The following KDR variants were observed in gnomAD, a reference collection of about 807,000 sequenced individuals.
KDR encodes vascular endothelial growth factor receptor 2.
In KDR, 43 loss-of-function variants were observed where a neutral mutation model predicts 160.9. That is an observed-to-expected ratio of 0.27 (90% confidence interval 0.21 to 0.34). The LOEUF (loss-of-function observed/expected upper bound fraction) is 0.34, where lower values mean the gene tolerates loss of function less well. KDR is among the 10% of genes least tolerant of loss of function. The pLI is 1.00. For missense variants in KDR, 1,469 were observed against 1,666.4 expected (o/e 0.88, Z 2.06); for synonymous variants, 617 against 600.1 (o/e 1.03, Z -0.41).
At chr4:55,090,849 C>CTTTTT (rs61138010) in intron 22 of KDR, among the ~76,000 whole-genome samples, 21 of 84,104 alleles carry the variant, frequency 2.5e-4, no homozygotes, top group South Asian at 5.3e-4. Flanking sequence ...TAGAAGAAAA[C>CTTTTT]TTTTTTTTTT....
chr4:55,096,785 G>C (rs992351610), intron 18 of KDR: 1 of 264,820 alleles, frequency 3.8e-6, no homozygotes, highest in Admixed American at 5.0e-5. Flanking sequence ...AATCTGTGCC[G>C]ATCTGTGCAG....
chr4:55,097,720 A>AG lies in KDR; in HGVS notation c.2555_2556insC (p.Ala853CysfsTer5). 1 of 1,613,400 alleles carries AG rather than the reference A, an allele frequency of 6.2e-7. No homozygotes were observed. The highest frequency in any genetic ancestry group is 8.5e-7 in the Non-Finnish European group (1 of 1,179,670). ...TTGCTGTCTTGTCAATTCCAAAGGCATCTGCTTCAATCACTTGGCCAAAGG... is the reference window on the plus strand; with the variant it reads ...TTGCTGTCTTGTCAATTCCAAAGGCAGTCTGCTTCAATCACTTGGCCAAAGG... On this transcript the variant is annotated frameshift_variant, in exon 18 of 30. Coordinates refer to ENST00000263923, the MANE Select transcript of KDR (RefSeq NM_002253.4). LOFTEE classifies it high-confidence loss of function.
rs747362899 is a variant in KDR at position 55,101,969 on chromosome 4, C to T, written c.2194G>A (p.Glu732Lys). 1.4e-5 allele frequency: 23 copies of T among 1,613,722 alleles called. No individual in the cohort carries two copies. Among genetic ancestry groups the T allele is most frequent in the East Asian group, 8.9e-5 (4 of 44,864 alleles). ...CATGCCTGGCAGGTGTAGAGGCCTT[C>T]GTCCTCCTTCCTCACTCTGCGGATA... is the stretch of plus-strand genomic sequence containing the variant. The part of the protein sequence containing the change: ...LTIRRVRKED[E>K]GLYTCQACSV... Residue 732 changes from glutamate to lysine, a missense_variant, in exon 15 of 30, where the codon GAA (glutamate) becomes AAA (lysine). Around this residue, in one of 7 missense-constraint regions of KDR, gnomAD observed 39 missense variants for 72.1 expected, o/e 0.54. Coordinates refer to ENST00000263923, the MANE Select transcript of KDR (RefSeq NM_002253.4).
intron 13 of KDR, among the ~76,000 whole-genome samples, chr4:55,104,441 C>T (rs1324791871): frequency 6.6e-6 from 1 of 152,168 alleles, no homozygotes; most frequent in Non-Finnish European, 1.5e-5. Flanking sequence ...ACTCCATCAT[C>T]AGGTTTTGTT....
At position 55,079,466 on chromosome 4, in the gene KDR, T is replaced by C; in HGVS notation, c.*475A>G. The stretch of plus-strand genomic sequence containing the variant: ...TTTCTATCAATCCGAATTCCACACT[T>C]AAGGCTTGGCTTGGGACCCACGTCC... On this transcript the variant is annotated 3_prime_UTR_variant, in exon 30 of 30. Coordinates refer to ENST00000263923, the MANE Select transcript of KDR (RefSeq NM_002253.4). The C allele has an allele frequency of 3.4e-6, 1 of 294,156 alleles. No homozygotes were observed. Among genetic ancestry groups the C allele is most frequent in the Non-Finnish European group, 6.5e-6 (1 of 154,360 alleles). The allele number at this position is 294,156 out of a possible 1,614,324, so 18.2% of individuals were successfully genotyped here.
chr4:55,103,891 CCA>C (rs138130557), intron 13 of KDR, among the ~76,000 whole-genome samples: 111 of 151,926 alleles, frequency 7.3e-4, no homozygotes, highest in Non-Finnish European at 1.3e-3. Context: ...CCTGATTTTC[CCA>C]CAGACAAAGC....
chr4:55,088,802 G>T lies in KDR; in HGVS notation c.3510+66C>A, dbSNP rs560735535. 5.8e-6 allele frequency: 6 copies of T among 1,036,322 alleles called. No individual in the cohort carries two copies. The African/African-American group carries it at 9.4e-5, about 16-fold the overall frequency. 64.2% of individuals were successfully genotyped at this position (1,036,322 alleles called of 1,614,324 possible). On this transcript the variant is annotated intron_variant, in intron 26 of 29. Transcript: ENST00000263923. ...GGCATGGTAGCCATGAGACAGTTCAGGCAGTAGGAAAGTCCTTGACATCTA... is the reference window on the plus strand; with the variant it reads ...GGCATGGTAGCCATGAGACAGTTCATGCAGTAGGAAAGTCCTTGACATCTA...
intron 10 of KDR, among the ~76,000 whole-genome samples, 178 bp from the exon 11 acceptor site, chr4:55,106,988 T>C (rs998572621): frequency 6.6e-6 from 1 of 152,144 alleles, no homozygotes; most frequent in African/African-American, 2.4e-5. Flanking sequence ...AAGGAAAAGG[T>C]TCTAGGTAGA....
chr4:55,098,291 T>C lies in KDR; in HGVS notation c.2374-19A>G. 6.2e-7 allele frequency: 1 copy of C among 1,613,526 alleles called. No individual in the cohort carries two copies. On this transcript the variant is annotated intron_variant, in intron 16 of 29. Transcript: ENST00000263923. ...CATTGGCCTGGAAAGCATCAATCCT[T>C]CCAGTCATAAACACACTGTTGTTTG...
rs1553913120 is a variant in KDR, at chr4:55,092,718, T to C, written c.2972-4A>G. Reference sequence around the variant, plus strand: ...TCCTTATACAGATCTTCAGGAGCTGTCCAAAGAGGCAGGAGGATGGAGATC... The same window carrying C: ...TCCTTATACAGATCTTCAGGAGCTGCCCAAAGAGGCAGGAGGATGGAGATC... On this transcript the variant is annotated splice_region_variant and splice_polypyrimidine_tract_variant and intron_variant, in intron 21 of 29. Coordinates refer to ENST00000263923, the MANE Select transcript of KDR (RefSeq NM_002253.4). The C allele has an allele frequency of 2.5e-6, 4 of 1,597,652 alleles. No homozygotes were observed. Among genetic ancestry groups the C allele is most frequent in the Non-Finnish European group, 3.4e-6 (4 of 1,165,088 alleles).
intron 21 of KDR, among the ~76,000 whole-genome samples, chr4:55,093,174 C>T (rs894245021): frequency 1.1e-4 from 17 of 152,172 alleles, no homozygotes; most frequent in Non-Finnish European, 2.2e-4. Flanking sequence ...CTATAATCTG[C>T]AATAGATAAC....
chr4:55,122,200 C>T (rs1014329095), intron 1 of KDR, among the ~76,000 whole-genome samples: 5 of 152,108 alleles, frequency 3.3e-5, no homozygotes, highest in Non-Finnish European at 5.9e-5. Flanking sequence ...GATTCCTCAC[C>T]ATGGGTCACT....
intron 18 of KDR, 58 bp from the exon 19 acceptor site, chr4:55,096,400 G>T: frequency 7.8e-7 from 1 of 1,275,010 alleles, no homozygotes; most frequent in East Asian, 2.3e-5. Flanking sequence ...TCAATAATTG[G>T]GGTCCCTCCC....
At chr4:55,082,486 G>A (rs530260334) in intron 28 of KDR, 50 bp downstream of exon 28, 2 of 1,359,988 alleles carry the variant, frequency 1.5e-6, no homozygotes, top group South Asian at 1.2e-5. Context: ...TCTAGCTAGT[G>A]TTTCATCCTT....
At chr4:55,120,112 C>T (rs997759386) in intron 2 of KDR, among the ~76,000 whole-genome samples, 8 of 152,180 alleles carry the variant, frequency 5.3e-5, no homozygotes, top group Non-Finnish European at 1.2e-4. Flanking sequence ...GCACCTGCTA[C>T]TGTGTTTTTT....
chr4:55,089,040 A>G (rs909197317), intron 25 of KDR, 67 bp from the exon 26 acceptor site: 7 of 1,115,630 alleles, frequency 6.3e-6, no homozygotes, highest in Non-Finnish European at 9.5e-6. Context: ...ATAAGCACTT[A>G]AATGAGTACA....
At chr4:55,091,481 C>T (rs750909022) in intron 22 of KDR, among the ~76,000 whole-genome samples, 15 of 152,094 alleles carry the variant, frequency 9.9e-5, no homozygotes, top group South Asian at 2.1e-4. Flanking sequence ...TGGCGAATTC[C>T]GGCCATAAAA....
In KDR at chr4:55,087,870, A is replaced by G. The variant is rs1719903317; in HGVS notation, c.3511-112T>C. On this transcript the variant is annotated intron_variant, in intron 26 of 29. Coordinates refer to ENST00000263923, the MANE Select transcript of KDR (RefSeq NM_002253.4). ...TGGCTACATAGGGTGTGTGGCTTTC[A>G]TATCTGAACATAGAACTTTAAGACA... The G allele has an allele frequency of 1.4e-5, 13 of 923,440 alleles. No individual in the cohort carries two copies. In the South Asian group the frequency reaches 1.6e-4, roughly 11 times the overall value. The allele number at this position is 923,440 out of a possible 1,614,324, so 57.2% of individuals were successfully genotyped here.
chr4:55,115,607 T>C (rs570438881), intron 3 of KDR, among the ~76,000 whole-genome samples, 196 bp from the exon 4 acceptor site: 1 of 152,162 alleles, frequency 6.6e-6, no homozygotes, highest in Non-Finnish European at 1.5e-5. Flanking sequence ...TGTGTGTGTG[T>C]TTGTGCATGC....
Sources: allele counts gnomAD v4.1 joint callset (sites outside exome capture counted in the v4.1 genomes callset), GRCh38; gene constraint gnomAD v4.1.1; regional missense constraint gnomAD v4.1.1; transcripts MANE v1.5; gene names NCBI Gene and HGNC (gene_info 2026-07-23, HGNC 2026-07-21).